SLC36A1: variants seen among roughly 807,000 people sequenced by gnomAD.
The protein encoded by SLC36A1 is solute carrier family 36 member 1.
Under a neutral mutation model 47.5 loss-of-function variants are expected in SLC36A1, and 30 were observed. That is an observed-to-expected ratio of 0.63 (90% CI 0.47 to 0.86). The LOEUF is 0.86. Among genes scored for constraint, SLC36A1 ranks in the 40% least tolerant of loss-of-function variants. The pLI is 0.00. For missense variants in SLC36A1, 517 were observed against 606.0 expected, an observed-to-expected ratio of 0.85 and a Z score of 1.54; for synonymous variants, 255 against 249.7, an observed-to-expected ratio of 1.02 and a Z score of -0.20.
At chr5:151,426,166 A>C in the SLC36A1 span, among the ~76,000 whole-genome samples, 1 of 152,230 alleles carries the variant, frequency 6.6e-6, no homozygotes, top group Non-Finnish European at 1.5e-5. Context: ...GAAGGGGGCC[A>C]GCCCCTCCAC....
rs1759854989 is a variant in SLC36A1, at chr5:151,488,540, A to T, written c.*286A>T. ...CCCCTCATCATGCCTCCTCCTTCCT[A>T]CCTGCCTCCCCTCTGCTGGTGCACC... On this transcript the variant is annotated 3_prime_UTR_variant, in exon 11 of 11. Coordinates refer to ENST00000243389, the MANE Select transcript of SLC36A1 (RefSeq NM_078483.4). 2.3e-6 allele frequency: 1 copy of T among 442,920 alleles called. No homozygotes were observed. Among genetic ancestry groups the T allele is most frequent in the East Asian group, 4.1e-5 (1 of 24,508 alleles). 27.4% of individuals were successfully genotyped at this position (442,920 alleles called of 1,614,324 possible). A position where few individuals can be genotyped will look rare whatever the true frequency, so the allele number is the denominator to read the frequency against.
the SLC36A1 span, chr5:151,505,478 A>C: frequency 6.6e-7 from 1 of 1,524,610 alleles, no homozygotes; most frequent in Non-Finnish European, 8.9e-7. Flanking sequence ...TCTCCCAGCC[A>C]CACTCAACTC....
chr5:151,433,041 T>C (rs573767129), upstream of SLC36A1, among the ~76,000 whole-genome samples: 156 of 151,244 alleles, frequency 1.0e-3, no homozygotes, highest in South Asian at 3.6e-3. Flanking sequence ...GCTACTGAGT[T>C]TGTGGCAGTT....
At chr5:151,435,432 A>G (rs546753037), upstream of SLC36A1, among the ~76,000 whole-genome samples, 4 of 152,330 alleles carry the variant, frequency 2.6e-5, no homozygotes, top group South Asian at 8.3e-4. Context: ...TGAGATGCAA[A>G]AGGAAATAAA....
the SLC36A1 span, among the ~76,000 whole-genome samples, chr5:151,552,014 TAA>T: frequency 1.3e-5 from 2 of 150,914 alleles, no homozygotes; most frequent in Admixed American, 6.6e-5. Flanking sequence ...TGTGTGTGTG[TAA>T]AGGAAAAATG....
the SLC36A1 span, chr5:151,505,657 C>T: frequency 1.6e-5 from 26 of 1,614,132 alleles, no homozygotes; most frequent in East Asian, 4.0e-4. Context: ...CCCTGGCCTG[C>T]AAGAGGTGCC....
chr5:151,488,047 C>A lies in SLC36A1; in HGVS notation c.1224C>A (p.Ser408Arg). 1 of 1,614,182 alleles carries A rather than the reference C, an allele frequency of 6.2e-7. No homozygotes were observed. The highest frequency in any genetic ancestry group is 8.5e-7 in the Non-Finnish European group (1 of 1,180,022). ...LVISLVGSVS[S>R]SALALIIPPL... ...TCTCCCTGGTGGGCTCCGTGAGCAG[C>A]AGCGCCCTGGCCCTCATCATCCCAC... The change falls in exon 11 of 11, where the codon AGC becomes AGA. Residue 408 changes from serine to arginine, a missense_variant. Ser to Arg is a moderately radical substitution (Grantham distance 110). Transcript: ENST00000243389.
the SLC36A1 span, chr5:151,517,514 G>A: frequency 4.4e-6 from 6 of 1,376,124 alleles, no homozygotes; most frequent in Non-Finnish European, 6.1e-6. Flanking sequence ...AACTGTGCAG[G>A]GATTTCTTTG....
chr5:151,468,340 T>C (rs1581153574), intron 7 of SLC36A1, among the ~76,000 whole-genome samples: 1 of 122,072 alleles, frequency 8.2e-6, no homozygotes, highest in African/African-American at 3.1e-5. Context: ...TATTATATTT[T>C]ATATATATTA....
chr5:151,531,982 A>G, the SLC36A1 span: 3 of 1,613,428 alleles, frequency 1.9e-6, no homozygotes, highest in Non-Finnish European at 2.5e-6. This position sits in a 1 kb window ranked among gnomAD's most constrained non-coding sequence, Gnocchi z 5.7. Context: ...TGGCAGGGAG[A>G]CCAAGGGTGT....
the SLC36A1 span, among the ~76,000 whole-genome samples, chr5:151,498,856 A>C: frequency 6.6e-6 from 1 of 152,148 alleles, no homozygotes; most frequent in Non-Finnish European, 1.5e-5. Flanking sequence ...TTCAGTCAGA[A>C]CTTTACAGCT....
At chr5:151,495,572 A>C (rs1253638734), downstream of SLC36A1, among the ~76,000 whole-genome samples, 1 of 152,142 alleles carries the variant, frequency 6.6e-6, no homozygotes, top group Non-Finnish European at 1.5e-5. Flanking sequence ...CAATGTTATC[A>C]TGAGTAGCTT....
chr5:151,461,196 G>A (rs972743246), intron 2 of SLC36A1, among the ~76,000 whole-genome samples: 1 of 119,014 alleles, frequency 8.4e-6, no homozygotes, highest in African/African-American at 3.1e-5. Context: ...TTGCTATGTT[G>A]CCCACTTAGT....
the SLC36A1 span, chr5:151,507,091 G>A: frequency 1.4e-6 from 2 of 1,407,740 alleles, no homozygotes; most frequent in Middle Eastern, 1.9e-4. Flanking sequence ...AGATAACGGA[G>A]TGTTTAGAAC....
intron 10 of SLC36A1, among the ~76,000 whole-genome samples, chr5:151,483,517 T>TGTG (rs1349747500): frequency 6.5e-4 from 82 of 126,284 alleles, no homozygotes; most frequent in East Asian, 2.9e-3. Flanking sequence ...TTTGTGTGTG[T>TGTG]GGGGGGGGTG....
At chr5:151,515,818 G>A in the SLC36A1 span, among the ~76,000 whole-genome samples, 2 of 152,134 alleles carry the variant, frequency 1.3e-5, no homozygotes, top group Non-Finnish European at 2.9e-5. Context: ...CTCTAAAGTC[G>A]ATTCTCAACA....
At chr5:151,349,117 C>T in the SLC36A1 span, among the ~76,000 whole-genome samples, 514 of 152,264 alleles carry the variant, frequency 3.4e-3, 2 homozygotes, top group African/African-American at 0.011. Flanking sequence ...GATTTGATGT[C>T]GCAGGTGGAG....
the SLC36A1 span, chr5:151,366,370 T>C: frequency 5.9e-6 from 1 of 170,156 alleles, no homozygotes; most frequent in South Asian, 1.3e-4. Context: ...CGGGAAATGT[T>C]GAGTTGAAAA....
intron 1 of SLC36A1, among the ~76,000 whole-genome samples, chr5:151,452,057 A>T (rs1353024714): frequency 1.3e-5 from 2 of 152,148 alleles, no homozygotes; most frequent in East Asian, 3.8e-4. Flanking sequence ...ACCTGGCCCT[A>T]ACATTTAGTG....
Sources: gnomAD v4.1 joint callset for allele counts (sites outside exome capture counted in the v4.1 genomes callset) on GRCh38, gnomAD v4.1.1 for gene constraint, Gnocchi (gnomAD v3.1) non-coding constraint, MANE v1.5 for transcripts, NCBI Gene and HGNC (gene_info 2026-07-23, HGNC 2026-07-21) for gene names.